The following NUMB variants were observed in gnomAD, a reference collection of about 807,000 sequenced individuals.
NUMB encodes protein numb homolog.
Under a neutral mutation model 59.7 loss-of-function variants are expected in NUMB, and 29 were observed. The observed-to-expected ratio is 0.49, with a 90% confidence interval of 0.36 to 0.66. The LOEUF (loss-of-function observed/expected upper bound fraction) is 0.66, where lower values mean the gene tolerates loss of function less well. NUMB is among the 30% of genes least tolerant of loss of function. The pLI is 0.00. For missense variants in NUMB, 723 were observed against 822.0 expected, an observed-to-expected ratio of 0.88 and a Z score of 1.47; for synonymous variants, 288 against 288.2, an observed-to-expected ratio of 1.00 and a Z score of 0.01.
At chr14:73,425,623 T>C (rs1897544715) in intron 1 of NUMB, among the ~76,000 whole-genome samples, 1 of 152,140 alleles carries the variant, frequency 6.6e-6, no homozygotes, top group Non-Finnish European at 1.5e-5. Flanking sequence ...TATATAACTG[T>C]CTAAATACCA....
chr14:73,388,564 T>C (rs1186846913), intron 2 of NUMB, among the ~76,000 whole-genome samples: 3 of 152,312 alleles, frequency 2.0e-5, no homozygotes, highest in Non-Finnish European at 4.4e-5. Flanking sequence ...ACGTTGTTTC[T>C]TTATTGTGGA....
chr14:73,375,380 T>TATGTCTCTTTATGA, intron 2 of NUMB, among the ~76,000 whole-genome samples: 1 of 152,308 alleles, frequency 6.6e-6, no homozygotes, highest in Non-Finnish European at 1.5e-5. Flanking sequence ...ATAAAGAGAT[T>TATGTCTCTTTATGA]AAGTAACTTG....
chr14:73,390,561 G>A (rs1261514879), intron 2 of NUMB, among the ~76,000 whole-genome samples: 1 of 145,002 alleles, frequency 6.9e-6, no homozygotes, highest in Non-Finnish European at 1.5e-5. Flanking sequence ...AATCACTCTT[G>A]AGATACCTTT....
At chr14:73,277,695 G>A (rs1888273162) in intron 12 of NUMB, among the ~76,000 whole-genome samples, 1 of 151,866 alleles carries the variant, frequency 6.6e-6, no homozygotes, top group Non-Finnish European at 1.5e-5. Context: ...CCAAGAGCTG[G>A]AGGCTGCAGT....
At chr14:73,372,365 T>TA (rs1566766620) in intron 2 of NUMB, among the ~76,000 whole-genome samples, 22 of 123,204 alleles carry the variant, frequency 1.8e-4, no homozygotes, top group Admixed American at 1.7e-3. Flanking sequence ...ATATAACCTT[T>TA]TATATATATA....
chr14:73,331,522 TGGGC>T (rs1210397947), intron 4 of NUMB, among the ~76,000 whole-genome samples: 1 of 152,146 alleles, frequency 6.6e-6, no homozygotes, highest in Non-Finnish European at 1.5e-5. Context: ...CACTCCAGCC[TGGGC>T]AACAGAGCAA....
chr14:73,442,000 CAA>C (rs1469143018), intron 1 of NUMB, among the ~76,000 whole-genome samples: 1 of 151,958 alleles, frequency 6.6e-6, no homozygotes, highest in East Asian at 1.9e-4. Context: ...TAGAAAACCT[CAA>C]AAGAGTTACC....
In NUMB at chr14:73,343,817, T is replaced by C. The variant is rs187436177; in HGVS notation, c.126+11809A>G. The stretch of plus-strand genomic sequence containing the variant: ...GATGCTATCAAGTTTTGAAATACTA[T>C]GTATGTAAAAAGAATTTATAGGCTT... On this transcript the variant is annotated intron_variant, in intron 4 of 12. Coordinates refer to ENST00000555238, the MANE Select transcript of NUMB (RefSeq NM_001005743.2). Among the ~76,000 whole-genome samples, 86 of 150,676 alleles carry C rather than the reference T, an allele frequency of 5.7e-4. 1 individual carries two copies. The East Asian group carries it at 0.011, about 19-fold the overall frequency.
intron 3 of NUMB, among the ~76,000 whole-genome samples, chr14:73,357,750 G>A (rs1002496597): frequency 5.3e-5 from 8 of 151,980 alleles, no homozygotes; most frequent in Admixed American, 3.3e-4. Flanking sequence ...GCAACAGAGC[G>A]AGACTGTCTC....
intron 4 of NUMB, among the ~76,000 whole-genome samples, chr14:73,324,720 T>C (rs995279074): frequency 6.6e-6 from 1 of 152,106 alleles, no homozygotes; most frequent in African/African-American, 2.4e-5. Context: ...CCTTAAAACC[T>C]GAACAGAATT....
chr14:73,373,677 T>G (rs925611039), intron 2 of NUMB, among the ~76,000 whole-genome samples: 1 of 151,448 alleles, frequency 6.6e-6, no homozygotes, highest in Non-Finnish European at 1.5e-5. Flanking sequence ...AATGTTTGAG[T>G]TAGGCCTCAC....
Position 73,372,989 on chromosome 14 carries a change from T to C in NUMB, c.-100-6008A>G, listed in dbSNP as rs749101092. Among the ~76,000 whole-genome samples the C allele has an allele frequency of 5.9e-5, 9 of 152,194 alleles. No homozygotes were observed. The East Asian group carries it at 1.3e-3, about 23-fold the overall frequency. ...TTTTAGGGTTTTATCCCTATCCTTA[T>C]TGATTTTTTGTTTTTCATAAAACAT... On this transcript the variant is annotated intron_variant, in intron 2 of 12. Coordinates refer to ENST00000555238, the MANE Select transcript of NUMB (RefSeq NM_001005743.2).
At position 73,328,271 on chromosome 14, in the gene NUMB, T is replaced by C. The variant is rs534243262; in HGVS notation, c.127-5067A>G. Reference sequence around the variant, plus strand: ...GCCTGGGAGACAGAGCAAGACTCCATCTCAAAAAAAAAAAAAAGTCATATA... The same window carrying C: ...GCCTGGGAGACAGAGCAAGACTCCACCTCAAAAAAAAAAAAAAGTCATATA... On this transcript the variant is annotated intron_variant, in intron 4 of 12. Coordinates refer to ENST00000555238, the MANE Select transcript of NUMB (RefSeq NM_001005743.2). Among the ~76,000 whole-genome samples the C allele has an allele frequency of 1.6e-4, 18 of 112,504 alleles. No homozygotes were observed. In the South Asian group the frequency reaches 5.0e-3, roughly 32 times the overall value. 73.8% of individuals were successfully genotyped at this position (112,504 alleles called of 152,430 possible). A position where few individuals can be genotyped will look rare whatever the true frequency, so the allele number is the denominator to read the frequency against.
intron 6 of NUMB, chr14:73,297,543 G>A: frequency 6.8e-6 from 2 of 292,566 alleles, no homozygotes; most frequent in South Asian, 8.1e-5. Context: ...AGTAACAGAT[G>A]GAATAAAAAC....
intron 2 of NUMB, among the ~76,000 whole-genome samples, chr14:73,393,702 ATTC>A (rs1895971292): frequency 6.6e-6 from 1 of 152,214 alleles, no homozygotes; most frequent in Admixed American, 6.5e-5. Flanking sequence ...CTAAATTATT[ATTC>A]TTTTCACCAA....
intron 6 of NUMB, among the ~76,000 whole-genome samples, chr14:73,312,167 G>C (rs991991333): frequency 2.0e-5 from 3 of 152,208 alleles, no homozygotes; most frequent in Non-Finnish European, 4.4e-5. Flanking sequence ...GCCAAGGCAG[G>C]CTGATCACTT....
Position 73,397,881 on chromosome 14 carries a change from T to A in NUMB, c.-101+12056A>T, listed in dbSNP as rs148386155. Reference sequence around the variant, plus strand: ...ATTTAAACATTAAGAACAAGTCTACTACTGCACTCTCCTTCTGTGTTAACC... The same window carrying A: ...ATTTAAACATTAAGAACAAGTCTACAACTGCACTCTCCTTCTGTGTTAACC... On this transcript the variant is annotated intron_variant, in intron 2 of 12. Transcript: ENST00000555238. 1.5e-4 allele frequency among the ~76,000 whole-genome samples: 22 copies of A among 146,302 alleles called. No individual in the cohort carries two copies. The East Asian group carries it at 2.9e-3, about 19-fold the overall frequency.
chr14:73,364,294 A>T (rs990904125), intron 3 of NUMB, among the ~76,000 whole-genome samples: 2 of 152,134 alleles, frequency 1.3e-5, no homozygotes, highest in African/African-American at 4.8e-5. Context: ...ACCTGAGGTC[A>T]GGAGTTCGAG....
intron 4 of NUMB, among the ~76,000 whole-genome samples, chr14:73,333,590 T>C (rs897301373): frequency 5.7e-4 from 87 of 152,218 alleles, no homozygotes; most frequent in African/African-American, 2.0e-3. Context: ...GTTGTATTTT[T>C]TGTTGAGATA....
Sources: gnomAD v4.1 joint callset for allele counts (sites outside exome capture counted in the v4.1 genomes callset) on GRCh38, gnomAD v4.1.1 for gene constraint, MANE v1.5 for transcripts, NCBI Gene and HGNC (gene_info 2026-07-23, HGNC 2026-07-21) for gene names.